The following UBE2Q1 variants were observed in gnomAD, a reference collection of about 807,000 sequenced individuals.
UBE2Q1 encodes ubiquitin-conjugating enzyme E2 Q1.
In UBE2Q1, 6 loss-of-function variants were observed where a neutral mutation model predicts 60.1. That is an observed-to-expected ratio of 0.10 (90% confidence interval 0.05 to 0.20). The LOEUF (loss-of-function observed/expected upper bound fraction) is 0.20, where lower values mean the gene tolerates loss of function less well. Ranked by LOEUF, UBE2Q1 falls within the 10% of genes least tolerant of loss-of-function variation. The pLI is 1.00. For synonymous variants in UBE2Q1, 226 were observed against 208.3 expected (o/e 1.09, Z -0.73); for missense variants, 262 against 525.8 (o/e 0.50, Z 4.91).
At chr1:154,552,981 C>G (rs1339797779) in intron 5 of UBE2Q1, 51 bp downstream of exon 5, 1 of 1,608,198 alleles carries the variant, frequency 6.2e-7, no homozygotes, top group African/African-American at 1.3e-5. Context: ...TACTACTTCC[C>G]AGCCATTTCC....
At chr1:154,555,986 G>A in intron 1 of UBE2Q1, 22 bp from the exon 2 acceptor site, 1 of 1,608,406 alleles carries the variant, frequency 6.2e-7, no homozygotes, top group South Asian at 1.1e-5. Context: ...AGAGCAATAA[G>A]AGCAATCAAA....
At position 154,558,474 on chromosome 1, in the gene UBE2Q1, G is replaced by A. The variant is rs1407571668; in HGVS notation, c.80C>T (p.Ala27Val). ...QLGGQGAAPG[A>V]GGGPGGGPGP... ...CGGGCCCCCCCCTGGGCCGCCCCCG[G>A]CCCCCGGCGCCGCCCCCTGGCCCCC... Residue 27 changes from alanine to valine, a missense_variant, in exon 1 of 13, where the codon GCC (alanine) becomes GTC (valine). Around this residue, in one of 5 missense-constraint regions of UBE2Q1, gnomAD observed 70 missense variants for 56.7 expected, o/e 1.24. Coordinates refer to ENST00000292211, the MANE Select transcript of UBE2Q1 (RefSeq NM_017582.7). 5 of 1,275,748 alleles carry A rather than the reference G, an allele frequency of 3.9e-6. No individual in the cohort carries two copies. Among genetic ancestry groups the A allele is most frequent in the Non-Finnish European group, 3.0e-6 (3 of 1,015,766 alleles). 79.0% of individuals were successfully genotyped at this position (1,275,748 alleles called of 1,614,324 possible).
At chr1:154,551,132 A>T in intron 11 of UBE2Q1, 128 bp from the exon 12 acceptor site, 2 of 1,100,168 alleles carry the variant, frequency 1.8e-6, no homozygotes, top group South Asian at 1.3e-5. Context: ...TAAAACACTA[A>T]GTACCCTCCA....
chr1:154,554,506 A>G (rs1695849063), intron 4 of UBE2Q1: 1 of 412,718 alleles, frequency 2.4e-6, no homozygotes. Flanking sequence ...GCCATTTGAA[A>G]TTAACTTACC....
chr1:154,553,357 CCA>C (rs1029094304), intron 4 of UBE2Q1, among the ~76,000 whole-genome samples, 185 bp from the exon 5 acceptor site: 3 of 152,352 alleles, frequency 2.0e-5, no homozygotes, highest in Non-Finnish European at 1.5e-5. Context: ...CCCATTCCCT[CCA>C]CAGTCTAAAT....
chr1:154,558,576 G>A lies in UBE2Q1; in HGVS notation c.-23C>T, dbSNP rs1695936285. On this transcript the variant is annotated 5_prime_UTR_variant, in exon 1 of 13. Transcript: ENST00000292211. ...CATCCTCCGCTCCGCTCCGCTCCGGGGCCGGCGGGCCGGGAGCCTCCGGCC... is the reference window on the plus strand; with the variant it reads ...CATCCTCCGCTCCGCTCCGCTCCGGAGCCGGCGGGCCGGGAGCCTCCGGCC... 2 of 1,018,860 alleles carry A rather than the reference G, an allele frequency of 2.0e-6. No individual in the cohort carries two copies. Among genetic ancestry groups the A allele is most frequent in the South Asian group, 8.9e-5 (2 of 22,530 alleles). 63.1% of individuals were successfully genotyped at this position (1,018,860 alleles called of 1,614,324 possible).
At chr1:154,555,615 C>G (rs1695870532) in intron 2 of UBE2Q1, 83 bp from the exon 3 acceptor site, 12 of 1,305,796 alleles carry the variant, frequency 9.2e-6, no homozygotes, top group Non-Finnish European at 1.3e-5. Flanking sequence ...TAGTTTGGGC[C>G]CCACACCAAT....
chr1:154,551,565 G>T, intron 10 of UBE2Q1, 73 bp from the exon 11 acceptor site: 2 of 1,530,178 alleles, frequency 1.3e-6, no homozygotes, highest in Non-Finnish European at 9.0e-7. Flanking sequence ...TGTCCTCTGG[G>T]CAATCAGCTG....
rs72698179 is a variant in UBE2Q1 at position 154,549,918 on chromosome 1, C to A, written c.*520G>T. 0.017 allele frequency: 2,548 copies of A among 152,788 alleles called. 31 individuals are homozygous for A. The highest frequency in any genetic ancestry group is 0.028 in the Non-Finnish European group (1,915 of 68,230). The allele number at this position is 152,788 out of a possible 1,614,324, so 9.5% of individuals were successfully genotyped here. On this transcript the variant is annotated 3_prime_UTR_variant, in exon 13 of 13. Coordinates refer to ENST00000292211, the MANE Select transcript of UBE2Q1 (RefSeq NM_017582.7). ...GTGGACTCGTACCCCTCCCCACCTC[C>A]CAAGTAGTTCAGGGGATGGGGTGGG...
At chr1:154,554,376 C>T (rs1695847022) in intron 4 of UBE2Q1, among the ~76,000 whole-genome samples, 1 of 152,178 alleles carries the variant, frequency 6.6e-6, no homozygotes. Context: ...TCAAGACAAC[C>T]ATATGCAGTA....
At chr1:154,555,329 G>A (rs892295756) in intron 3 of UBE2Q1, 99 bp downstream of exon 3, 8 of 1,014,364 alleles carry the variant, frequency 7.9e-6, no homozygotes, top group African/African-American at 1.6e-5. Flanking sequence ...TTGGGAGCCG[G>A]TGGGGATGGA....
rs535200896 is a variant in UBE2Q1 at position 154,549,794 on chromosome 1, T to C, written c.*644A>G. 128 of 152,754 alleles carry C rather than the reference T, an allele frequency of 8.4e-4. No homozygotes were observed. The highest frequency in any genetic ancestry group is 1.2e-4 in the Non-Finnish European group (8 of 68,060). The allele number at this position is 152,754 out of a possible 1,614,324, so 9.5% of individuals were successfully genotyped here. On this transcript the variant is annotated 3_prime_UTR_variant, in exon 13 of 13. Coordinates refer to ENST00000292211, the MANE Select transcript of UBE2Q1 (RefSeq NM_017582.7). The stretch of plus-strand genomic sequence containing the variant: ...GCAAGTGCTGGTTGCTCCAGAGGCC[T>C]TGAGGAGAAATCTAGGGGCAGACCA...
intron 4 of UBE2Q1, chr1:154,553,626 A>C (rs1695832536): frequency 6.2e-6 from 1 of 160,138 alleles, no homozygotes; most frequent in Admixed American, 5.9e-5. Context: ...GAGAAACCTG[A>C]ATCATTACAT....
rs1242781946 is a variant in UBE2Q1, at chr1:154,558,532, CCTGCGG to C, written c.16_21del (p.Pro6_Gln7del). On this transcript the variant is annotated inframe_deletion, in exon 1 of 13. Coordinates refer to ENST00000292211, the MANE Select transcript of UBE2Q1 (RefSeq NM_017582.7). ...TGCCCCGGCCCCGGCTGCTGCTGCC[CCTGCGG>C]CTGCGGCTGCTGCATCCTCCGCTCC... The C allele has an allele frequency of 1.4e-5, 16 of 1,103,534 alleles. No homozygotes were observed. The highest frequency in any genetic ancestry group is 1.8e-5 in the Non-Finnish European group (16 of 911,646). The allele number at this position is 1,103,534 out of a possible 1,614,324, so 68.4% of individuals were successfully genotyped here.
At chr1:154,554,018 A>G (rs1695841139) in intron 4 of UBE2Q1, among the ~76,000 whole-genome samples, 1 of 152,244 alleles carries the variant, frequency 6.6e-6, no homozygotes, top group East Asian at 1.9e-4. Context: ...GGCAGGACAT[A>G]CCTAATTACC....
intron 12 of UBE2Q1, 148 bp from the exon 13 acceptor site, chr1:154,550,617 G>A: frequency 2.0e-6 from 3 of 1,508,164 alleles, no homozygotes; most frequent in Non-Finnish European, 2.7e-6. Context: ...GGGAAGCTGA[G>A]AGCCTGCATA....
At chr1:154,557,461 G>A (rs1227888258) in intron 1 of UBE2Q1, among the ~76,000 whole-genome samples, 1 of 152,200 alleles carries the variant, frequency 6.6e-6, no homozygotes, top group Non-Finnish European at 1.5e-5. Context: ...ATGGAATGAC[G>A]CTCACAGGGG....
At position 154,558,617 on chromosome 1, in the gene UBE2Q1, G is replaced by GCCGCCGCCGCCT. The variant is rs1695938809; in HGVS notation, c.-65_-64insAGGCGGCGGCGG. 1 of 38,354 alleles carries GCCGCCGCCGCCT rather than the reference G, an allele frequency of 2.6e-5. No individual in the cohort carries two copies. The highest frequency in any genetic ancestry group is 3.3e-5 in the Non-Finnish European group (1 of 30,110). 2.4% of individuals were successfully genotyped at this position (38,354 alleles called of 1,614,324 possible). On this transcript the variant is annotated 5_prime_UTR_variant, in exon 1 of 13. Transcript: ENST00000292211. ...GCCTCCGGCCTGCGCTCCGGGCTCC[G>GCCGCCGCCGCCT]CCGCCGCCGCCGCCGCCGCCGCCGC...
chr1:154,552,362 C>A (rs1237252833), intron 7 of UBE2Q1, 42 bp downstream of exon 7: 1 of 1,612,002 alleles, frequency 6.2e-7, no homozygotes, highest in Non-Finnish European at 8.5e-7. Context: ...CCCACTCACA[C>A]TCCTCCTCAA....
Sources: allele counts gnomAD v4.1 joint callset (sites outside exome capture counted in the v4.1 genomes callset), GRCh38; gene constraint gnomAD v4.1.1; regional missense constraint gnomAD v4.1.1; transcripts MANE v1.5; gene names NCBI Gene and HGNC (gene_info 2026-07-23, HGNC 2026-07-21).